Variants in IQCJ observed in about 807,000 individuals in gnomAD.
IQCJ encodes the protein IQ domain-containing protein J.
Under a neutral mutation model 11.0 loss-of-function variants are expected in IQCJ, and 9 were observed. That is an observed-to-expected ratio of 0.82 (90% CI 0.49 to 1.43). IQCJ has a LOEUF of 1.43. Among genes scored for constraint, IQCJ ranks in the 40% most tolerant of loss-of-function variants. The probability of loss-of-function intolerance (pLI) is 0.00; values close to 1 mark genes in which losing one functional copy is unlikely to be tolerated. For synonymous variants in IQCJ, 55 were observed against 51.3 expected (o/e 1.07, Z -0.31); for missense variants, 146 against 133.2 (o/e 1.10, Z -0.47).
chr3:159,102,254 A>T (rs1717979649), intron 1 of IQCJ, among the ~76,000 whole-genome samples: 1 of 152,222 alleles, frequency 6.6e-6, no homozygotes, highest in Non-Finnish European at 1.5e-5. Flanking sequence ...TAGTCACTGG[A>T]TAAAGATTCT....
intron 1 of IQCJ, among the ~76,000 whole-genome samples, chr3:159,145,968 T>C (rs1011561208): frequency 6.6e-6 from 1 of 152,182 alleles, no homozygotes. Context: ...CAAGTAGCTA[T>C]TTCTTCGAAG....
intron 1 of IQCJ, among the ~76,000 whole-genome samples, chr3:159,124,582 C>T (rs1438544057): frequency 6.6e-6 from 1 of 152,104 alleles, no homozygotes; most frequent in Non-Finnish European, 1.5e-5. Flanking sequence ...CATCATAGCA[C>T]CCTATGACTT....
intron 1 of IQCJ, among the ~76,000 whole-genome samples, chr3:159,104,025 T>C (rs1033628026): frequency 2.0e-5 from 3 of 152,234 alleles, no homozygotes; most frequent in African/African-American, 7.2e-5. Context: ...TCTTGGCCTA[T>C]AGGCCTCAGC....
chr3:159,195,310 C>T (rs1186694689), intron 1 of IQCJ, among the ~76,000 whole-genome samples: 1 of 152,172 alleles, frequency 6.6e-6, no homozygotes, highest in Non-Finnish European at 1.5e-5. Flanking sequence ...CCCAGTGCTT[C>T]TCCAGCTGGT....
At position 159,086,498 on chromosome 3, in the gene IQCJ, T is replaced by C. The variant is rs186752807; in HGVS notation, c.9+17057T>C. Among the ~76,000 whole-genome samples, 14 of 152,342 alleles carry C rather than the reference T, an allele frequency of 9.2e-5. No individual in the cohort carries two copies. The East Asian group carries it at 2.7e-3, about 29-fold the overall frequency. Reference sequence around the variant, plus strand: ...TGGGGATGGCATTGAATGTGTAAATTACCTTGGGCAGTATGGCTATTTTCA... The same window carrying C: ...TGGGGATGGCATTGAATGTGTAAATCACCTTGGGCAGTATGGCTATTTTCA... On this transcript the variant is annotated intron_variant, in intron 1 of 3. Transcript: ENST00000397832.
chr3:159,178,041 G>A (rs759877095), intron 1 of IQCJ, among the ~76,000 whole-genome samples: 6 of 152,142 alleles, frequency 3.9e-5, no homozygotes, highest in Non-Finnish European at 8.8e-5. Flanking sequence ...TTTATAACTC[G>A]CTCTTCTCTG....
downstream of IQCJ, chr3:159,265,502 T>C (rs1304404720): frequency 7.3e-5 from 69 of 944,514 alleles, no homozygotes; most frequent in Non-Finnish European, 1.1e-4. Flanking sequence ...CATGAGTCCA[T>C]TTGGAACTTC....
intron 1 of IQCJ, among the ~76,000 whole-genome samples, chr3:159,141,514 A>T (rs1310348744): frequency 2.6e-5 from 4 of 152,236 alleles, no homozygotes; most frequent in Admixed American, 1.3e-4. Context: ...TCCACCTGTA[A>T]CCATGACTAC....
At chr3:159,144,700 C>T (rs1226090824) in intron 1 of IQCJ, among the ~76,000 whole-genome samples, 3 of 150,294 alleles carry the variant, frequency 2.0e-5, no homozygotes, top group South Asian at 2.1e-4. Context: ...AGAGTTCCTG[C>T]TGCATTTCAA....
intron 1 of IQCJ, among the ~76,000 whole-genome samples, chr3:159,120,391 T>C (rs963301746): frequency 6.6e-5 from 10 of 152,232 alleles, no homozygotes; most frequent in Admixed American, 6.5e-5. Flanking sequence ...AGAAGTTTTC[T>C]TCCTACACAA....
rs535193958 is a variant in IQCJ, at chr3:159,252,807, T to C, written c.155T>C (p.Ile52Thr). The C allele has an allele frequency of 9.8e-5, 157 of 1,609,768 alleles. 1 individual carries two copies. The South Asian group carries it at 1.7e-3, about 17-fold the overall frequency. The change falls in exon 3 of 4, where the codon ATC becomes ACC. Residue 52 changes from isoleucine (I) to threonine (T), a missense_variant and splice_region_variant. Transcript: ENST00000397832. ...CAGCCCTTGGAATCAAAGGTGAAAATGTAAGTTATTTCAAAGTATAAATTA... is the reference window on the plus strand; with the variant it reads ...CAGCCCTTGGAATCAAAGGTGAAAACGTAAGTTATTTCAAAGTATAAATTA... Reference protein sequence around the residue: ...NLQPLESKVKIIQRAWREYLQ... With the variant: ...NLQPLESKVKTIQRAWREYLQ...
intron 2 of IQCJ, among the ~76,000 whole-genome samples, chr3:159,248,726 G>A (rs1024714693): frequency 3.3e-5 from 5 of 152,132 alleles, no homozygotes; most frequent in African/African-American, 1.2e-4. Context: ...AGAACCAGTA[G>A]TGAAAATATA....
At chr3:159,086,108 G>A (rs894602847) in intron 1 of IQCJ, among the ~76,000 whole-genome samples, 3 of 152,164 alleles carry the variant, frequency 2.0e-5, no homozygotes, top group Non-Finnish European at 4.4e-5. Context: ...GTGTAAAGAA[G>A]GGATCCAGTT....
intron 1 of IQCJ, among the ~76,000 whole-genome samples, chr3:159,201,823 T>C (rs1053513555): frequency 6.6e-6 from 1 of 151,994 alleles, no homozygotes; most frequent in East Asian, 1.9e-4. Flanking sequence ...TTTTCTGTTG[T>C]TGTTGTTGTT....
At chr3:159,101,252 G>A (rs369536962) in intron 1 of IQCJ, among the ~76,000 whole-genome samples, 3,238 of 149,120 alleles carry the variant, frequency 0.022, 108 homozygotes, top group African/African-American at 0.077. Flanking sequence ...ACACACACTG[G>A]CCTGCGCCCA....
At chr3:159,142,234 G>A (rs1384792537) in intron 1 of IQCJ, among the ~76,000 whole-genome samples, 5 of 152,140 alleles carry the variant, frequency 3.3e-5, no homozygotes, top group Non-Finnish European at 5.9e-5. Flanking sequence ...AACTGAACAT[G>A]GTAAATCTAT....
At chr3:159,096,317 C>T (rs1470384029) in intron 1 of IQCJ, among the ~76,000 whole-genome samples, 1 of 150,682 alleles carries the variant, frequency 6.6e-6, no homozygotes, top group Non-Finnish European at 1.5e-5. Context: ...TTATAGGTTG[C>T]CTGTTCACTC....
At chr3:159,183,437 TTCTG>T (rs1474145405) in intron 1 of IQCJ, among the ~76,000 whole-genome samples, 1 of 152,182 alleles carries the variant, frequency 6.6e-6, no homozygotes, top group Non-Finnish European at 1.5e-5. Context: ...TTATGCTCCT[TTCTG>T]TCTATGTGAT....
At chr3:159,086,393 G>T (rs960307479) in intron 1 of IQCJ, among the ~76,000 whole-genome samples, 1 of 152,008 alleles carries the variant, frequency 6.6e-6, no homozygotes, top group Non-Finnish European at 1.5e-5. Context: ...TTGACTTGGC[G>T]ATGCGTGCTC....
Sources: allele counts gnomAD v4.1 joint callset (sites outside exome capture counted in the v4.1 genomes callset), GRCh38; gene constraint gnomAD v4.1.1; transcripts MANE v1.5; gene names NCBI Gene and HGNC (gene_info 2026-07-23, HGNC 2026-07-21).